Variants in LRP1B observed in about 807,000 individuals in gnomAD.
LRP1B encodes the protein low-density lipoprotein receptor-related protein 1B.
A neutral mutation model predicts 556.6 loss-of-function variants in LRP1B; 217 were observed. The observed-to-expected ratio is 0.39, with a 90% CI of 0.35 to 0.44. The LOEUF (loss-of-function observed/expected upper bound fraction) is 0.44. LRP1B is among the 20% of genes least tolerant of loss of function. LRP1B has a pLI of 1.00. For missense variants in LRP1B, 5,053 were observed against 5,620.8 expected (o/e 0.90, Z 3.23); for synonymous variants, 2,047 against 1,865.8 (o/e 1.10, Z -2.50).
intron 23 of LRP1B, among the ~76,000 whole-genome samples, chr2:140,893,523 C>T (rs1453707968): frequency 1.3e-5 from 2 of 152,198 alleles, no homozygotes; most frequent in Admixed American, 6.6e-5. Context: ...CACAACCTCT[C>T]ACCCTGAGCA....
rs141167367 is a variant in LRP1B at position 140,856,572 on chromosome 2, G to A, written c.4580-4789C>T. Reference sequence around the variant, plus strand: ...TTCTCCATAGTAATTATTCAACTCTGCTACTATAACACAAAAGCAGCCACA... The same window carrying A: ...TTCTCCATAGTAATTATTCAACTCTACTACTATAACACAAAAGCAGCCACA... On this transcript the variant is annotated intron_variant, in intron 27 of 90. Coordinates refer to ENST00000389484, the MANE Select transcript of LRP1B (RefSeq NM_018557.3). 6.1e-3 allele frequency among the ~76,000 whole-genome samples: 922 copies of A among 152,208 alleles called. 10 individuals carry two copies. Among genetic ancestry groups the A allele is most frequent in the African/African-American group, 0.021 (866 of 41,508 alleles).
chr2:140,979,255 A>C (rs941201907), intron 18 of LRP1B, among the ~76,000 whole-genome samples: 5 of 152,218 alleles, frequency 3.3e-5, no homozygotes, highest in Non-Finnish European at 7.3e-5. Context: ...CTGGAATTAC[A>C]GGCATGAACC....
At chr2:140,306,198 C>T (rs1684058304) in intron 83 of LRP1B, among the ~76,000 whole-genome samples, 1 of 151,384 alleles carries the variant, frequency 6.6e-6, no homozygotes, top group Non-Finnish European at 1.5e-5. Flanking sequence ...CCCTCTTTTT[C>T]TATTGATTGG....
chr2:142,057,864 T>C (rs1404299565), intron 1 of LRP1B, among the ~76,000 whole-genome samples: 4 of 152,284 alleles, frequency 2.6e-5, no homozygotes, highest in Non-Finnish European at 4.4e-5. Flanking sequence ...GTACAAATAA[T>C]GGAGCTTTCC....
chr2:141,996,579 A>G (rs1350384476), intron 1 of LRP1B, among the ~76,000 whole-genome samples: 1 of 152,222 alleles, frequency 6.6e-6, no homozygotes, highest in Admixed American at 6.5e-5. Flanking sequence ...TGCACAGGAT[A>G]TGATGCTGGA....
Position 142,051,223 on chromosome 2 carries a change from C to T in LRP1B, c.82+79425G>A, listed in dbSNP as rs531302263. 1.3e-3 allele frequency among the ~76,000 whole-genome samples: 192 copies of T among 152,088 alleles called. 4 individuals are homozygous for T. Among genetic ancestry groups the T allele is most frequent in the Middle Eastern group, 3.4e-3 (1 of 294 alleles). On this transcript the variant is annotated intron_variant, in intron 1 of 90. Transcript: ENST00000389484. ...TGAGGGGGTGGGGAAAGGACATTCACGTAGGAGGTTGCTGGAATTATAAAC... is the reference window on the plus strand; with the variant it reads ...TGAGGGGGTGGGGAAAGGACATTCATGTAGGAGGTTGCTGGAATTATAAAC...
chr2:140,869,323 G>C (rs1405618956), intron 25 of LRP1B, among the ~76,000 whole-genome samples: 1 of 152,102 alleles, frequency 6.6e-6, no homozygotes, highest in Non-Finnish European at 1.5e-5. Flanking sequence ...AACTGCAGGA[G>C]TGAAAGAGCT....
At chr2:140,438,345 AG>A (rs1317622621) in intron 66 of LRP1B, among the ~76,000 whole-genome samples, 1 of 152,154 alleles carries the variant, frequency 6.6e-6, no homozygotes, top group African/African-American at 2.4e-5. Context: ...CTTTAACTTT[AG>A]GAAAAAAGAG....
chr2:141,882,980 T>C (rs1699002683), intron 1 of LRP1B, among the ~76,000 whole-genome samples: 2 of 152,194 alleles, frequency 1.3e-5, no homozygotes, highest in African/African-American at 4.8e-5. Flanking sequence ...ACCAAAGGCA[T>C]TGCGGCTAAA....
At chr2:141,836,611 C>A (rs1697288142) in intron 1 of LRP1B, among the ~76,000 whole-genome samples, 1 of 151,982 alleles carries the variant, frequency 6.6e-6, no homozygotes. Context: ...CAATAACCTG[C>A]AGTGTAATTT....
intron 6 of LRP1B, among the ~76,000 whole-genome samples, chr2:141,194,753 T>C (rs958725883): frequency 1.3e-5 from 2 of 151,996 alleles, no homozygotes; most frequent in Non-Finnish European, 2.9e-5. Flanking sequence ...TAACTGTCCT[T>C]ATATTAAATA....
chr2:141,533,114 T>A (rs1574052845), intron 2 of LRP1B, among the ~76,000 whole-genome samples: 1 of 152,186 alleles, frequency 6.6e-6, no homozygotes, highest in South Asian at 2.1e-4. Flanking sequence ...GCTTGACTTA[T>A]CCTCGGTCCT....
intron 7 of LRP1B, among the ~76,000 whole-genome samples, chr2:141,164,096 A>G (rs772621981): frequency 6.6e-6 from 1 of 152,098 alleles, no homozygotes; most frequent in Non-Finnish European, 1.5e-5. Context: ...AGAGAATTTA[A>G]ATATGGGTAA....
At chr2:140,888,017 T>C (rs1693690608) in intron 23 of LRP1B, among the ~76,000 whole-genome samples, 1 of 152,182 alleles carries the variant, frequency 6.6e-6, no homozygotes, top group South Asian at 2.1e-4. Flanking sequence ...AATCTTATGG[T>C]ATGTAAATTA....
chr2:140,251,604 G>A (rs559608864), intron 86 of LRP1B, among the ~76,000 whole-genome samples: 16 of 151,902 alleles, frequency 1.1e-4, no homozygotes, highest in Non-Finnish European at 1.8e-4. Context: ...CCTCTTATAC[G>A]TATGTGCAAG....
intron 2 of LRP1B, among the ~76,000 whole-genome samples, chr2:141,746,070 A>C (rs1329811477): frequency 6.6e-6 from 1 of 152,018 alleles, no homozygotes; most frequent in African/African-American, 2.4e-5. Flanking sequence ...AGAGGAAGGA[A>C]GGGTCTCTTT....
In LRP1B at chr2:141,814,043, C is replaced by T. The variant is rs566494195; in HGVS notation, c.83-3642G>A. 9.9e-5 allele frequency among the ~76,000 whole-genome samples: 15 copies of T among 152,150 alleles called. No homozygotes were observed. The South Asian group carries it at 1.9e-3, about 19-fold the overall frequency. ...TGGAGGCAGAAGTGAAGGCTTGGCCCGCAACCAATTGAGAGCTTTAGTGAC... is the reference window on the plus strand; with the variant it reads ...TGGAGGCAGAAGTGAAGGCTTGGCCTGCAACCAATTGAGAGCTTTAGTGAC... On this transcript the variant is annotated intron_variant, in intron 1 of 90. Coordinates refer to ENST00000389484, the MANE Select transcript of LRP1B (RefSeq NM_018557.3).
At chr2:141,024,920 G>A (rs539973207) in intron 11 of LRP1B, among the ~76,000 whole-genome samples, 1 of 152,086 alleles carries the variant, frequency 6.6e-6, no homozygotes, top group Admixed American at 6.6e-5. Context: ...GCAGTAAGAA[G>A]GCCTGCTGTT....
At chr2:140,640,427 G>A (rs1222953813) in intron 41 of LRP1B, among the ~76,000 whole-genome samples, 2 of 83,668 alleles carry the variant, frequency 2.4e-5, no homozygotes, top group Non-Finnish European at 4.2e-5. Context: ...ATGGCGTCTC[G>A]CTCTGTCGCC....
Sources: gnomAD v4.1 joint callset for allele counts (sites outside exome capture counted in the v4.1 genomes callset) on GRCh38, gnomAD v4.1.1 for gene constraint, MANE v1.5 for transcripts, NCBI Gene and HGNC (gene_info 2026-07-23, HGNC 2026-07-21) for gene names.